Variants in NRXN3 observed in about 807,000 individuals in gnomAD.
The protein encoded by NRXN3 is neurexin 3.
In NRXN3, 32 loss-of-function variants were observed where a neutral mutation model predicts 137.6. The ratio of observed to expected loss-of-function variants is 0.23; its 90% CI spans 0.18 to 0.31. The LOEUF (loss-of-function observed/expected upper bound fraction) is 0.31, where lower values mean the gene tolerates loss of function less well. NRXN3 is among the 10% of genes least tolerant of loss of function. NRXN3 has a pLI of 1.00. For synonymous variants in NRXN3, 798 were observed against 784.5 expected (o/e 1.02, Z -0.29); for missense variants, 1,574 against 2,062.5 (o/e 0.76, Z 4.59).
intron 9 of NRXN3, among the ~76,000 whole-genome samples, chr14:78,807,388 C>G (rs1327786900): frequency 2.6e-5 from 4 of 152,124 alleles, no homozygotes; most frequent in Non-Finnish European, 5.9e-5. Flanking sequence ...ACACACAGCT[C>G]TTAGAAACAT....
intron 4 of NRXN3, among the ~76,000 whole-genome samples, chr14:78,370,337 A>G (rs527723838): frequency 6.7e-6 from 1 of 149,554 alleles, no homozygotes; most frequent in South Asian, 2.1e-4. Flanking sequence ...TGAGTGCTGC[A>G]TACTGTTTCC....
chr14:78,243,367 G>A lies in NRXN3; in HGVS notation c.274G>A (p.Asp92Asn). 1.3e-6 allele frequency: 2 copies of A among 1,564,046 alleles called. No individual in the cohort carries two copies. The highest frequency in any genetic ancestry group is 8.6e-7 in the Non-Finnish European group (1 of 1,162,424). ...CCGCGTTCAGCTCCGCTTCAGCATG[G>A]ACTGTGCCGAGACTGCCGTGCTGTC... ...DGRVQLRFSM[D>N]CAETAVLSNK... The change falls in exon 2 of 21, where the codon GAC (aspartate) becomes AAC (asparagine). Residue 92 changes from aspartate (D) to asparagine (N), a missense_variant. Asp to Asn is a conservative substitution (Grantham distance 23, BLOSUM62 1). This residue lies in a region of NRXN3 where 400 missense variants were observed against 527.3 expected (regional missense o/e 0.76). Transcript: ENST00000335750. The surrounding 1 kb of genome is among the most constrained non-coding windows in gnomAD (Gnocchi z 4.2).
At chr14:78,523,643 C>CAAAA (rs3036598) in intron 4 of NRXN3, among the ~76,000 whole-genome samples, 747 of 76,922 alleles carry the variant, frequency 9.7e-3, no homozygotes, top group Middle Eastern at 0.021. Context: ...ACTACAAATA[C>CAAAA]AAAAAAAAAA....
intron 1 of NRXN3, among the ~76,000 whole-genome samples, chr14:78,222,318 G>A (rs11850744): frequency 0.32 from 38,308 of 120,794 alleles, 5,091 homozygotes; most frequent in African/African-American, 0.39. Flanking sequence ...GGAATAAAGG[G>A]CACACACACA....
chr14:78,341,692 C>T (rs1292273650), intron 4 of NRXN3, among the ~76,000 whole-genome samples: 1 of 152,178 alleles, frequency 6.6e-6, no homozygotes, highest in Non-Finnish European at 1.5e-5. Flanking sequence ...TCTACGATTT[C>T]AGGAGTTCAG....
intron 19 of NRXN3, among the ~76,000 whole-genome samples, chr14:79,729,049 T>G (rs974781358): frequency 6.6e-6 from 1 of 152,158 alleles, no homozygotes; most frequent in Non-Finnish European, 1.5e-5. Flanking sequence ...CTTGACAAAA[T>G]GCTCAAGACC....
intron 17 of NRXN3, among the ~76,000 whole-genome samples, chr14:79,671,850 A>G (rs1244957084): frequency 3.3e-5 from 5 of 152,054 alleles, no homozygotes; most frequent in Non-Finnish European, 5.9e-5. Flanking sequence ...CTAAAATTAA[A>G]CATAACCACC....
At position 79,834,318 on chromosome 14, in the gene NRXN3, GC is replaced by G. The variant is rs550377960; in HGVS notation, c.4094-27022del. Among the ~76,000 whole-genome samples the G allele has an allele frequency of 5.9e-5, 9 of 152,096 alleles. No homozygotes were observed. In the South Asian group the frequency reaches 1.9e-3, roughly 32 times the overall value. ...TTTTCATTTTCTTACTTCTGTTTCT[GC>G]CACCTTCCCTTCTTCCGATAACAGA... On this transcript the variant is annotated intron_variant, in intron 20 of 20. Transcript: ENST00000335750.
chr14:78,438,463 C>T (rs1322711639), intron 4 of NRXN3, among the ~76,000 whole-genome samples: 2 of 152,180 alleles, frequency 1.3e-5, no homozygotes, highest in African/African-American at 4.8e-5. Flanking sequence ...GGGGTTGAAA[C>T]AAGTGTGTGT....
At chr14:79,777,482 A>AG (rs1327742720) in intron 19 of NRXN3, among the ~76,000 whole-genome samples, 2 of 151,996 alleles carry the variant, frequency 1.3e-5, no homozygotes, top group African/African-American at 2.4e-5. Context: ...TTTCTAAAAA[A>AG]AAAAAAAGGT....
chr14:78,635,354 A>G (rs1208086579), intron 4 of NRXN3, among the ~76,000 whole-genome samples: 1 of 152,158 alleles, frequency 6.6e-6, no homozygotes, highest in African/African-American at 2.4e-5. Context: ...GTTTTCCCAA[A>G]TTCTGTAAAC....
intron 19 of NRXN3, among the ~76,000 whole-genome samples, chr14:79,774,346 T>C (rs1316865393): frequency 6.6e-6 from 1 of 152,140 alleles, no homozygotes; most frequent in Non-Finnish European, 1.5e-5. Flanking sequence ...AGCAAGTCAA[T>C]GGTAATATCA....
At position 79,588,077 on chromosome 14, in the gene NRXN3, T is replaced by C. The variant is rs148744042; in HGVS notation, c.3445-75701T>C. Reference sequence around the variant, plus strand: ...TCAGATTCATTTCAGGAAAATGTCATGTGTCAAGGTGTCAATTCTGAGCAA... The same window carrying C: ...TCAGATTCATTTCAGGAAAATGTCACGTGTCAAGGTGTCAATTCTGAGCAA... On this transcript the variant is annotated intron_variant, in intron 16 of 20. Coordinates refer to ENST00000335750, the MANE Select transcript of NRXN3 (RefSeq NM_001330195.2). 2.0e-5 allele frequency among the ~76,000 whole-genome samples: 3 copies of C among 152,306 alleles called. No homozygotes were observed. The East Asian group carries it at 5.8e-4, about 29-fold the overall frequency.
chr14:78,631,821 A>T (rs1470042218), intron 4 of NRXN3, among the ~76,000 whole-genome samples: 1 of 152,068 alleles, frequency 6.6e-6, no homozygotes, highest in Non-Finnish European at 1.5e-5. Flanking sequence ...GACTCAATGT[A>T]TCAGGCTCAT....
At chr14:78,219,527 C>G (rs1162653186) in intron 1 of NRXN3, among the ~76,000 whole-genome samples, 3 of 152,158 alleles carry the variant, frequency 2.0e-5, no homozygotes, top group Non-Finnish European at 2.9e-5. Flanking sequence ...TCATCTTGGC[C>G]CTGCCTCTTA....
intron 15 of NRXN3, among the ~76,000 whole-genome samples, chr14:79,184,211 T>A (rs2063258249): frequency 6.6e-6 from 1 of 152,202 alleles, no homozygotes; most frequent in South Asian, 2.1e-4. Context: ...GATGATATAA[T>A]TAGCCCAAAC....
At chr14:78,345,859 G>A (rs2082673711) in intron 4 of NRXN3, among the ~76,000 whole-genome samples, 1 of 152,188 alleles carries the variant, frequency 6.6e-6, no homozygotes, top group Non-Finnish European at 1.5e-5. Flanking sequence ...GAAAGAACTG[G>A]AGGGAGCAAA....
At chr14:78,214,368 C>T (rs570965494) in intron 1 of NRXN3, among the ~76,000 whole-genome samples, 7 of 152,242 alleles carry the variant, frequency 4.6e-5, no homozygotes, top group Admixed American at 2.0e-4. Context: ...CTTTAAGTAC[C>T]GTGTTCAGAC....
chr14:79,860,790 T>C (rs114806426), intron 20 of NRXN3, among the ~76,000 whole-genome samples: 3,135 of 152,296 alleles, frequency 0.021, 115 homozygotes, highest in African/African-American at 0.072. Context: ...ACATATATAG[T>C]TGAATTTTAT....
Sources: allele counts gnomAD v4.1 joint callset (sites outside exome capture counted in the v4.1 genomes callset), GRCh38; gene constraint gnomAD v4.1.1; regional missense constraint gnomAD v4.1.1; non-coding constraint Gnocchi (gnomAD v3.1); transcripts MANE v1.5; gene names NCBI Gene and HGNC (gene_info 2026-07-23, HGNC 2026-07-21).